Variants in CFTR observed in about 807,000 individuals in gnomAD.
CFTR encodes the protein cystic fibrosis transmembrane conductance regulator.
CFTR carries 181 observed loss-of-function variants against 171.6 expected under a neutral mutation model. The ratio of observed to expected loss-of-function variants is 1.05; its 90% CI spans 0.93 to 1.19. The LOEUF (loss-of-function observed/expected upper bound fraction) is 1.19. Among genes scored for constraint, CFTR ranks in the 50% most tolerant of loss-of-function variants. The pLI is 0.00. For synonymous variants in CFTR, 583 were observed against 608.0 expected (o/e 0.96, Z 0.60); for missense variants, 1,968 against 1,734.7 (o/e 1.13, Z -2.39).
intron 11 of CFTR, among the ~76,000 whole-genome samples, chr7:117,563,184 A>G (rs1791545156): frequency 1.3e-5 from 2 of 152,158 alleles, no homozygotes; most frequent in Non-Finnish European, 2.9e-5. Context: ...TAACCTTGCT[A>G]TGTCTTTAGT....
intron 5 of CFTR, among the ~76,000 whole-genome samples, chr7:117,534,913 A>G (rs1464837200): frequency 6.6e-6 from 1 of 152,206 alleles, no homozygotes; most frequent in Non-Finnish European, 1.5e-5. Flanking sequence ...CTCATGTTCT[A>G]TGCTGTGGTT....
intron 11 of CFTR, among the ~76,000 whole-genome samples, chr7:117,565,952 T>C (rs977506623): frequency 1.3e-5 from 2 of 152,162 alleles, no homozygotes; most frequent in African/African-American, 2.4e-5. Context: ...TGATTAAATT[T>C]GAATTTGACC....
chr7:117,613,997 A>ATGTTTTTTTT (rs1468130932), intron 20 of CFTR, among the ~76,000 whole-genome samples: 4 of 132,032 alleles, frequency 3.0e-5, no homozygotes, highest in African/African-American at 9.0e-5. Context: ...AGGTACAGTA[A>ATGTTTTTTTT]TCTTTTTTTT....
chr7:117,600,953 A>G (rs1792215002), intron 15 of CFTR, among the ~76,000 whole-genome samples: 1 of 152,086 alleles, frequency 6.6e-6, no homozygotes. Context: ...GAAGCAGTTT[A>G]GGTTGGTAGT....
chr7:117,560,106 C>T (rs1450203026), intron 11 of CFTR, among the ~76,000 whole-genome samples: 2 of 151,974 alleles, frequency 1.3e-5, no homozygotes, highest in Non-Finnish European at 2.9e-5. Flanking sequence ...ATTGATCTGC[C>T]AGCAGAGAAT....
chr7:117,538,258 G>A (rs1584788386), intron 7 of CFTR, among the ~76,000 whole-genome samples: 1 of 152,100 alleles, frequency 6.6e-6, no homozygotes, highest in African/African-American at 2.4e-5. Flanking sequence ...TTCAGCCTGG[G>A]CCACTGTTGT....
rs557217796 is a variant in CFTR at position 117,568,325 on chromosome 7, C to A, written c.1584+8670C>A. Among the ~76,000 whole-genome samples, 3 of 152,194 alleles carry A rather than the reference C, an allele frequency of 2.0e-5. No homozygotes were observed. In the East Asian group the frequency reaches 5.8e-4, roughly 29 times the overall value. ...TTAAATTTGAGAGTGGTCATATGACCAGATTTGCATTTTACAAAGATTGTC... is the reference window on the plus strand; with the variant it reads ...TTAAATTTGAGAGTGGTCATATGACAAGATTTGCATTTTACAAAGATTGTC... On this transcript the variant is annotated intron_variant, in intron 11 of 26. Transcript: ENST00000003084.
intron 1 of CFTR, among the ~76,000 whole-genome samples, chr7:117,496,627 T>C (rs1450736339): frequency 2.6e-5 from 4 of 152,240 alleles, no homozygotes; most frequent in Non-Finnish European, 5.9e-5. Context: ...ATAATGGTGC[T>C]ATGAACATTT....
At chr7:117,498,024 T>C (rs1798266209) in intron 1 of CFTR, among the ~76,000 whole-genome samples, 1 of 152,248 alleles carries the variant, frequency 6.6e-6, no homozygotes, top group African/African-American at 2.4e-5. Flanking sequence ...ATGAAATGGG[T>C]AGATCAATTT....
chr7:117,529,822 GGGGTA>G (rs1798830272), intron 3 of CFTR, among the ~76,000 whole-genome samples: 2 of 152,104 alleles, frequency 1.3e-5, no homozygotes, highest in African/African-American at 4.8e-5. Context: ...GGCAATACCA[GGGGTA>G]GGCTGCAGTC....
chr7:117,501,069 T>C (rs1433786867), intron 1 of CFTR, among the ~76,000 whole-genome samples: 1 of 152,234 alleles, frequency 6.6e-6, no homozygotes, highest in African/African-American at 2.4e-5. Flanking sequence ...AGGAGATTTA[T>C]TTTTACATTT....
intron 10 of CFTR, among the ~76,000 whole-genome samples, chr7:117,555,707 C>T (rs772431014): frequency 5.9e-5 from 9 of 152,018 alleles, no homozygotes; most frequent in Non-Finnish European, 1.3e-4. Context: ...CCTGCAATTT[C>T]GAGATAAATG....
At chr7:117,578,559 TGTTGTCCAAGGGC>T (rs1453158437) in intron 11 of CFTR, among the ~76,000 whole-genome samples, 1 of 152,072 alleles carries the variant, frequency 6.6e-6, no homozygotes, top group East Asian at 1.9e-4. Flanking sequence ...CCAACCCTCA[TGTTGTCCAAGGGC>T]GTTGTCCAAG....
Position 117,664,538 on chromosome 7 carries a change from C to G in CFTR, c.3964-150C>G, listed in dbSNP as rs1390887356. 9 of 724,838 alleles carry G rather than the reference C, an allele frequency of 1.2e-5. No individual in the cohort carries two copies. The East Asian group carries it at 2.4e-4, about 19-fold the overall frequency. 44.9% of individuals were successfully genotyped at this position (724,838 alleles called of 1,614,324 possible). On this transcript the variant is annotated intron_variant, in intron 24 of 26. Transcript: ENST00000003084. ...TGTCAAGGTTGTAAATAGACTTTTG[C>G]TCAATCAATTCAAATGGTGGCAGGT...
rs575214493 is a variant in CFTR, at chr7:117,615,333, C to A, written c.3468+620C>A. Among the ~76,000 whole-genome samples, 6 of 152,032 alleles carry A rather than the reference C, an allele frequency of 3.9e-5. No individual in the cohort carries two copies. The South Asian group carries it at 1.2e-3, about 32-fold the overall frequency. On this transcript the variant is annotated intron_variant, in intron 21 of 26. Transcript: ENST00000003084. ...CATAATCCCTCAGTCAGTGGCTTGG[C>A]TTATAGAGTCTTTTGATGAAAAGAA...
intron 10 of CFTR, among the ~76,000 whole-genome samples, chr7:117,552,397 T>G (rs1362896455): frequency 6.6e-6 from 1 of 152,164 alleles, no homozygotes; most frequent in African/African-American, 2.4e-5. Context: ...TTTAATTTTG[T>G]ACAAAGGAAT....
chr7:117,596,128 A>G lies in CFTR; in HGVS notation c.2619+1070A>G, dbSNP rs1038954684. 2.6e-5 allele frequency among the ~76,000 whole-genome samples: 4 copies of G among 151,870 alleles called. No individual in the cohort carries two copies. The East Asian group carries it at 7.9e-4, about 30-fold the overall frequency. ...GGCCAAGGCCAGAGCCGGCTCCCTCAGCTTGCGGGGAGGTGTGGAGGGAGA... is the reference window on the plus strand; with the variant it reads ...GGCCAAGGCCAGAGCCGGCTCCCTCGGCTTGCGGGGAGGTGTGGAGGGAGA... On this transcript the variant is annotated intron_variant, in intron 15 of 26. Coordinates refer to ENST00000003084, the MANE Select transcript of CFTR (RefSeq NM_000492.4).
intron 19 of CFTR, among the ~76,000 whole-genome samples, chr7:117,611,182 G>A (rs1364424122): frequency 6.6e-6 from 1 of 151,960 alleles, no homozygotes; most frequent in Non-Finnish European, 1.5e-5. Context: ...TACTTTTTCA[G>A]TATATTTCTG....
chr7:117,554,526 A>C (rs1799319593), intron 10 of CFTR, among the ~76,000 whole-genome samples: 1 of 152,104 alleles, frequency 6.6e-6, no homozygotes, highest in Non-Finnish European at 1.5e-5. Context: ...TTGGATGTAC[A>C]AGTCTAGTTT....
Sources: allele counts gnomAD v4.1 joint callset (sites outside exome capture counted in the v4.1 genomes callset), GRCh38; gene constraint gnomAD v4.1.1; transcripts MANE v1.5; gene names NCBI Gene and HGNC (gene_info 2026-07-23, HGNC 2026-07-21).